Variants in NEBL observed in about 807,000 individuals in gnomAD.
NEBL encodes nebulette.
In NEBL, 122 loss-of-function variants were observed where a neutral mutation model predicts 140.2. The ratio of observed to expected loss-of-function variants is 0.87; its 90% CI spans 0.75 to 1.01. NEBL has a LOEUF of 1.01. NEBL is among the 50% of genes least tolerant of loss of function. The pLI is 0.00. For missense variants in NEBL, 1,365 were observed against 1,231.3 expected (o/e 1.11, Z -1.62); for synonymous variants, 436 against 398.9 (o/e 1.09, Z -1.11).
intron 12 of NEBL, among the ~76,000 whole-genome samples, chr10:20,844,084 C>G (rs1841663574): frequency 6.6e-6 from 1 of 152,118 alleles, no homozygotes; most frequent in Non-Finnish European, 1.5e-5. Flanking sequence ...AAAGATAGTG[C>G]AGCAAGAGAA....
chr10:20,983,050 T>C (rs1837118501), intron 3 of NEBL, among the ~76,000 whole-genome samples: 1 of 152,180 alleles, frequency 6.6e-6, no homozygotes, highest in African/African-American at 2.4e-5. Context: ...ACCCTAACCC[T>C]TGGGAACCGA....
intron 4 of NEBL, among the ~76,000 whole-genome samples, chr10:20,921,749 A>T (rs1168485308): frequency 1.3e-5 from 2 of 151,544 alleles, no homozygotes; most frequent in South Asian, 4.2e-4. Flanking sequence ...ATGCACACAC[A>T]TACACATATC....
intron 3 of NEBL, among the ~76,000 whole-genome samples, chr10:21,001,149 C>A (rs1343188643): frequency 6.6e-6 from 1 of 152,106 alleles, no homozygotes; most frequent in Non-Finnish European, 1.5e-5. Context: ...CTAGTCTAAC[C>A]CCAGGCCTAG....
intron 2 of NEBL, among the ~76,000 whole-genome samples, chr10:21,052,316 A>G (rs902543536): frequency 6.6e-6 from 1 of 152,216 alleles, no homozygotes; most frequent in Admixed American, 6.5e-5. Context: ...ACAGAAAATG[A>G]TGACACAGGT....
chr10:21,230,604 C>CTTTT (rs1157514424), intron 3 of NEBL, among the ~76,000 whole-genome samples: 2 of 125,506 alleles, frequency 1.6e-5, no homozygotes, highest in Admixed American at 7.9e-5. Flanking sequence ...AACTGGAAAC[C>CTTTT]TTTTTTTTTT....
chr10:20,790,615 A>AC (rs1357934950), intron 26 of NEBL, among the ~76,000 whole-genome samples: 257 of 151,482 alleles, frequency 1.7e-3, no homozygotes, highest in African/African-American at 6.0e-3. Context: ...AAAAAAAAAC[A>AC]AAACAAACAA....
intron 3 of NEBL, among the ~76,000 whole-genome samples, chr10:20,967,343 C>T (rs915318572): frequency 1.1e-4 from 17 of 152,118 alleles, no homozygotes; most frequent in Admixed American, 8.5e-4. Context: ...AATGTAGACA[C>T]AGGGCTGGGC....
intron 2 of NEBL, among the ~76,000 whole-genome samples, chr10:21,043,640 T>C (rs1304148941): frequency 6.6e-6 from 1 of 152,182 alleles, no homozygotes; most frequent in African/African-American, 2.4e-5. Flanking sequence ...GGGAATATTT[T>C]AATATCATCA....
At chr10:21,290,619 T>C (rs1843129708) in intron 1 of NEBL, among the ~76,000 whole-genome samples, 1 of 152,164 alleles carries the variant, frequency 6.6e-6, no homozygotes, top group Non-Finnish European at 1.5e-5. Context: ...TGAGGGTAAC[T>C]CCAAAAGATT....
At chr10:20,821,397 G>A (rs1231050879) in intron 19 of NEBL, among the ~76,000 whole-genome samples, 1 of 152,114 alleles carries the variant, frequency 6.6e-6, no homozygotes, top group East Asian at 1.9e-4. Context: ...CAACAGTCCA[G>A]GATCCAGGGT....
intron 4 of NEBL, among the ~76,000 whole-genome samples, chr10:20,906,127 A>C (rs562393181): frequency 6.6e-6 from 1 of 152,304 alleles, no homozygotes; most frequent in East Asian, 1.9e-4. Flanking sequence ...AGGGAAATTC[A>C]TTCGTATTAT....
chr10:21,281,153 G>A (rs1375434502), intron 1 of NEBL, among the ~76,000 whole-genome samples: 1 of 152,210 alleles, frequency 6.6e-6, no homozygotes, highest in Admixed American at 6.5e-5. Flanking sequence ...GGAGGCCTGA[G>A]CTGTCAACAG....
At chr10:20,804,800 T>G (rs976395656) in intron 26 of NEBL, among the ~76,000 whole-genome samples, 1 of 152,144 alleles carries the variant, frequency 6.6e-6, no homozygotes, top group Non-Finnish European at 1.5e-5. Flanking sequence ...ATATGGGTCT[T>G]GTACGCAATG....
At chr10:20,817,557 T>C (rs746572680) in intron 21 of NEBL, 43 bp downstream of exon 21, 1 of 1,414,592 alleles carries the variant, frequency 7.1e-7, no homozygotes, top group Non-Finnish European at 1.0e-6. Flanking sequence ...ACGTGGACAA[T>C]GCATTTGATA....
chr10:20,906,962 T>C (rs1848118946), intron 4 of NEBL, among the ~76,000 whole-genome samples: 1 of 152,140 alleles, frequency 6.6e-6, no homozygotes, highest in Admixed American at 6.6e-5. Context: ...ACTAAGTCTT[T>C]AAAATCCTGT....
At chr10:20,859,874 C>G (rs1193534252) in intron 7 of NEBL, 48 bp from the exon 8 acceptor site, 1 of 896,226 alleles carries the variant, frequency 1.1e-6, no homozygotes, top group Admixed American at 2.2e-5. Flanking sequence ...TTAAAAGTAA[C>G]ACATATGATT....
chr10:20,793,385 G>C (rs900929538), intron 26 of NEBL: 15 of 974,138 alleles, frequency 1.5e-5, no homozygotes, highest in Admixed American at 6.2e-5. Context: ...CCCTGGAAAG[G>C]AAGGACAGGA....
At chr10:21,201,083 A>G (rs987887011) in intron 3 of NEBL, among the ~76,000 whole-genome samples, 2 of 152,268 alleles carry the variant, frequency 1.3e-5, no homozygotes, top group African/African-American at 4.8e-5. Context: ...CTGTCCAAAA[A>G]AAAAAAAGAT....
chr10:20,803,165 A>T (rs1837280513), intron 26 of NEBL, among the ~76,000 whole-genome samples: 1 of 152,216 alleles, frequency 6.6e-6, no homozygotes, highest in Non-Finnish European at 1.5e-5. Context: ...TTACAGCTAG[A>T]CAGGAGAAAT....
Sources: gnomAD v4.1 joint callset for allele counts (sites outside exome capture counted in the v4.1 genomes callset) on GRCh38, gnomAD v4.1.1 for gene constraint, MANE v1.5 for transcripts, NCBI Gene and HGNC (gene_info 2026-07-23, HGNC 2026-07-21) for gene names.